PKHD1L1: variants seen among roughly 807,000 people sequenced by gnomAD.
The protein encoded by PKHD1L1 is fibrocystin-L.
PKHD1L1 carries 434 observed loss-of-function variants against 462.9 expected under a neutral mutation model. The observed-to-expected ratio is 0.94, with a 90% confidence interval of 0.87 to 1.02. The LOEUF (loss-of-function observed/expected upper bound fraction) is 1.02. PKHD1L1 is among the 50% of genes least tolerant of loss of function. The pLI, the probability that PKHD1L1 is intolerant of heterozygous loss-of-function variation, is 0.00. For missense variants in PKHD1L1, 5,202 were observed against 5,096.1 expected (o/e 1.02, Z -0.63); for synonymous variants, 1,781 against 1,750.0 (o/e 1.02, Z -0.44).
chr8:109,483,164 G>A (rs2130892975), intron 57 of PKHD1L1, 59 bp downstream of exon 57: 1 of 1,237,388 alleles, frequency 8.1e-7, no homozygotes. Context: ...GCTGAAAAAA[G>A]TTTCTATTCT....
intron 52 of PKHD1L1, 73 bp downstream of exon 52, chr8:109,476,740 G>A (rs1478803592): frequency 2.2e-6 from 3 of 1,385,224 alleles, no homozygotes; most frequent in Admixed American, 2.5e-5. Flanking sequence ...TGCTTAATAA[G>A]CAAATGTGTT....
In PKHD1L1 at chr8:109,443,044, G is replaced by A. The variant is rs368110681; in HGVS notation, c.4492G>A (p.Val1498Ile). The change falls in exon 36 of 78, where the codon GTT becomes ATT. Residue 1498 changes from valine to isoleucine, a missense_variant. By Grantham distance (29) the Val-to-Ile change is conservative. Transcript: ENST00000378402. ...CATTTTTCTCCAAGGAGTCATTAATGTTTTACCAGCTGAAACCAGACACAT... is the reference window on the plus strand; with the variant it reads ...CATTTTTCTCCAAGGAGTCATTAATATTTTACCAGCTGAAACCAGACACAT... ...HSIFLQGVINVLPAETRHIPL... is the reference protein window; with the variant it reads ...HSIFLQGVINILPAETRHIPL... The A allele has an allele frequency of 6.2e-6, 10 of 1,613,720 alleles. No individual in the cohort carries two copies. Among genetic ancestry groups the A allele is most frequent in the African/African-American group, 2.7e-5 (2 of 75,014 alleles).
intron 38 of PKHD1L1, among the ~76,000 whole-genome samples, chr8:109,447,660 A>G (rs933083932): frequency 2.6e-5 from 4 of 152,186 alleles, no homozygotes; most frequent in Non-Finnish European, 4.4e-5. Flanking sequence ...TTTACATATC[A>G]TAATTTCTTT....
At chr8:109,473,080 A>T (rs574089891) in intron 50 of PKHD1L1, among the ~76,000 whole-genome samples, 6 of 152,338 alleles carry the variant, frequency 3.9e-5, no homozygotes, top group African/African-American at 1.4e-4. Context: ...AGTCCAAGAC[A>T]CTTAAAACCA....
chr8:109,365,730 C>G (rs932081361), intron 2 of PKHD1L1, among the ~76,000 whole-genome samples: 1 of 152,234 alleles, frequency 6.6e-6, no homozygotes, highest in Non-Finnish European at 1.5e-5. Flanking sequence ...AATTCCAGCA[C>G]TTTGGGAGCC....
chr8:109,475,735 T>C (rs1231922667), intron 51 of PKHD1L1, among the ~76,000 whole-genome samples: 1 of 150,600 alleles, frequency 6.6e-6, no homozygotes, highest in African/African-American at 2.4e-5. Context: ...TAGTCCCAGC[T>C]ACTTGGGGAG....
In PKHD1L1 at chr8:109,522,235, A is replaced by C; in HGVS notation, c.12081A>C (p.Gln4027His). 6.2e-7 allele frequency: 1 copy of C among 1,605,484 alleles called. No homozygotes were observed. The highest frequency in any genetic ancestry group is 1.3e-5 in the African/African-American group (1 of 74,740). The change falls in exon 74 of 78, where the codon CAA becomes CAC. Residue 4027 changes from glutamine (Q) to histidine (H), a missense_variant. Gln to His is a conservative substitution (Grantham distance 24, BLOSUM62 0). Transcript: ENST00000378402. ...ELQEIAGSLG[Q>H]AVILGNISSI... ...AGGAAATTGCTGGTTCTCTTGGACA[A>C]GCTGTAATTTTAGGAAACATCAGTA... is the stretch of plus-strand genomic sequence containing the variant.
chr8:109,367,487 TCTA>T (rs1368462605), intron 2 of PKHD1L1, among the ~76,000 whole-genome samples: 1 of 152,258 alleles, frequency 6.6e-6, no homozygotes, highest in African/African-American at 2.4e-5. Context: ...AGTAGAAAGA[TCTA>T]CTGTTAACAT....
At chr8:109,415,887 G>A (rs1814141471) in intron 21 of PKHD1L1, among the ~76,000 whole-genome samples, 1 of 150,288 alleles carries the variant, frequency 6.7e-6, no homozygotes, top group African/African-American at 2.4e-5. Flanking sequence ...GTGTGTGTGT[G>A]TGTGTGTGTG....
rs2131074960 is a variant in PKHD1L1, at chr8:109,535,248, TG to T, written c.*5160del. The stretch of plus-strand genomic sequence containing the variant: ...TGTGCAAGATATTTATGACTGTGCC[TG>T]GCTACATGGCAATAGTATTTTCCTT... On this transcript the variant is annotated 3_prime_UTR_variant, in exon 78 of 78. Coordinates refer to ENST00000378402, the MANE Select transcript of PKHD1L1 (RefSeq NM_177531.6). Among the ~76,000 whole-genome samples the T allele has an allele frequency of 6.6e-6, 1 of 152,320 alleles. No homozygotes were observed. The highest frequency in any genetic ancestry group is 6.5e-5 in the Admixed American group (1 of 15,308).
At position 109,530,260 on chromosome 8, in the gene PKHD1L1, T is replaced by C. The variant is rs1821005693; in HGVS notation, c.*170T>C. Reference sequence around the variant, plus strand: ...ACACTAAAATCAGATTTCTTCAAAATATAAATTTGTTTTGATTCTTTATAT... The same window carrying C: ...ACACTAAAATCAGATTTCTTCAAAACATAAATTTGTTTTGATTCTTTATAT... On this transcript the variant is annotated 3_prime_UTR_variant, in exon 78 of 78. Transcript: ENST00000378402. 8.7e-6 allele frequency: 3 copies of C among 342,976 alleles called. No homozygotes were observed. The East Asian group carries it at 1.6e-4, about 19-fold the overall frequency. The allele number at this position is 342,976 out of a possible 1,614,324, so 21.2% of individuals were successfully genotyped here.
At chr8:109,385,745 G>GT (rs904411592) in intron 6 of PKHD1L1, 115 bp downstream of exon 6, 19,211 of 449,992 alleles carry the variant, frequency 0.043, no homozygotes, top group East Asian at 0.056. Context: ...ACTAACCAGT[G>GT]TTTTTTTTTT....
chr8:109,445,683 T>G, intron 38 of PKHD1L1, 38 bp downstream of exon 38: 2 of 1,480,054 alleles, frequency 1.4e-6, no homozygotes, highest in Non-Finnish European at 1.8e-6. Context: ...GATATTATAG[T>G]ATCGATAATA....
intron 67 of PKHD1L1, among the ~76,000 whole-genome samples, chr8:109,502,874 A>AT (rs1292071014): frequency 2.6e-5 from 4 of 152,124 alleles, no homozygotes; most frequent in Non-Finnish European, 5.9e-5. Context: ...TGTGCCAAAT[A>AT]TTTTTCCCAC....
Position 109,507,819 on chromosome 8 carries a change from C to T in PKHD1L1, c.11151C>T (p.Asp3717=), listed in dbSNP as rs916788326. The T allele has an allele frequency of 3.1e-6, 5 of 1,613,380 alleles. No homozygotes were observed. The highest frequency in any genetic ancestry group is 4.2e-6 in the Non-Finnish European group (5 of 1,179,670). The change falls in exon 69 of 78, where the codon GAC becomes GAT. Residue 3717 remains aspartate, a synonymous_variant. Coordinates refer to ENST00000378402, the MANE Select transcript of PKHD1L1 (RefSeq NM_177531.6). Reference sequence around the variant, plus strand: ...GAAACAGCCAAGTAGGAATTGGAGACTACAGAATTCCTAAGGCGATGCTCA... The same window carrying T: ...GAAACAGCCAAGTAGGAATTGGAGATTACAGAATTCCTAAGGCGATGCTCA... ...WDGNSQVGIG[D]YRIPKAMLTF... is the part of the protein sequence containing the mutation.
intron 77 of PKHD1L1, 68 bp from the exon 78 acceptor site, chr8:109,530,012 A>G: frequency 1.0e-6 from 1 of 953,788 alleles, no homozygotes; most frequent in Non-Finnish European, 1.4e-6. Context: ...AATTAATGAA[A>G]TATATTTTAA....
At chr8:109,440,622 C>T in intron 32 of PKHD1L1, 88 bp from the exon 33 acceptor site, 2 of 1,212,314 alleles carry the variant, frequency 1.6e-6, no homozygotes, top group Admixed American at 4.4e-5. Context: ...GTTATTTCCT[C>T]TTTCTAAAGA....
rs1586595362 is a variant in PKHD1L1, at chr8:109,479,574, G to T, written c.9113G>T (p.Trp3038Leu). 6.5e-7 allele frequency: 1 copy of T among 1,527,274 alleles called. No individual in the cohort carries two copies. The highest frequency in any genetic ancestry group is 9.0e-7 in the Non-Finnish European group (1 of 1,111,200). The allele number at this position is 1,527,274 out of a possible 1,614,324, so 94.6% of individuals were successfully genotyped here. Reference sequence around the variant, plus strand: ...AGTTTATGGTCAAATGATTCTTTTTGGCAATCATCACGAGAAAATAATTAT... The same window carrying T: ...AGTTTATGGTCAAATGATTCTTTTTTGCAATCATCACGAGAAAATAATTAT... ...TYNLWSNDSF[W>L]QSSRENNYTV... The change falls in exon 54 of 78, where the codon TGG (tryptophan) becomes TTG (leucine). Residue 3038 changes from tryptophan (W) to leucine (L), a missense_variant. By Grantham distance (61) the Trp-to-Leu change is moderately conservative. Coordinates refer to ENST00000378402, the MANE Select transcript of PKHD1L1 (RefSeq NM_177531.6).
intron 37 of PKHD1L1, 51 bp from the exon 38 acceptor site, chr8:109,444,610 T>C: frequency 6.6e-7 from 1 of 1,504,386 alleles, no homozygotes; most frequent in Non-Finnish European, 9.0e-7. Flanking sequence ...AATTTGTTTA[T>C]ACTGGAGGTA....
Sources: gnomAD v4.1 joint callset for allele counts (sites outside exome capture counted in the v4.1 genomes callset) on GRCh38, gnomAD v4.1.1 for gene constraint, MANE v1.5 for transcripts, NCBI Gene and HGNC (gene_info 2026-07-23, HGNC 2026-07-21) for gene names.